The following KCNMA1 variants were observed in gnomAD, a reference collection of about 807,000 sequenced individuals.
KCNMA1 encodes potassium calcium-activated channel subfamily M alpha 1.
Under a neutral mutation model 140.0 loss-of-function variants are expected in KCNMA1, and 29 were observed. That is an observed-to-expected ratio of 0.21 (90% CI 0.15 to 0.28). The LOEUF (loss-of-function observed/expected upper bound fraction) is 0.28. Among genes scored for constraint, KCNMA1 ranks in the 10% least tolerant of loss-of-function variants. The pLI is 1.00. For synonymous variants in KCNMA1, 612 were observed against 611.9 expected, an observed-to-expected ratio of 1.00 and a Z score of 0.00; for missense variants, 880 against 1,602.2, an observed-to-expected ratio of 0.55 and a Z score of 7.70.
intron 6 of KCNMA1, 88 bp downstream of exon 6, chr10:77,120,885 T>A (rs1372243308): frequency 1.3e-6 from 1 of 763,084 alleles, no homozygotes; most frequent in Non-Finnish European, 2.4e-6. Flanking sequence ...CTATTAATAA[T>A]GTCATTGTGA....
At chr10:77,382,310 T>C (rs1009162077) in intron 2 of KCNMA1, among the ~76,000 whole-genome samples, 1 of 152,234 alleles carries the variant, frequency 6.6e-6, no homozygotes. Flanking sequence ...AGACACATTC[T>C]AAGCACTTTA....
chr10:76,940,281 G>A (rs564834264), intron 23 of KCNMA1, among the ~76,000 whole-genome samples: 1 of 152,180 alleles, frequency 6.6e-6, no homozygotes, highest in South Asian at 2.1e-4. Context: ...GGTCAGTTCT[G>A]ACACCATGTG....
At chr10:76,887,560 T>A in intron 27 of KCNMA1, 45 bp from the exon 28 acceptor site, 1 of 1,611,174 alleles carries the variant, frequency 6.2e-7, no homozygotes, top group Non-Finnish European at 8.5e-7. Context: ...AGTAACTGAG[T>A]AAAGAATTCA....
intron 2 of KCNMA1, among the ~76,000 whole-genome samples, chr10:77,348,145 A>G (rs903389364): frequency 2.6e-5 from 4 of 152,178 alleles, no homozygotes; most frequent in African/African-American, 9.6e-5. Context: ...CCCCTTTACT[A>G]CAGGACATCT....
chr10:77,491,254 G>C (rs2039724923), intron 1 of KCNMA1, among the ~76,000 whole-genome samples: 1 of 152,116 alleles, frequency 6.6e-6, no homozygotes, highest in Non-Finnish European at 1.5e-5. Context: ...CTGGTTGCCT[G>C]GTGGCCCAAA....
chr10:76,922,008 G>C (rs2055992199), intron 23 of KCNMA1, among the ~76,000 whole-genome samples: 1 of 152,178 alleles, frequency 6.6e-6, no homozygotes, highest in Non-Finnish European at 1.5e-5. Flanking sequence ...CAGGGTAGAG[G>C]TAGCCCCCAA....
intron 14 of KCNMA1, among the ~76,000 whole-genome samples, chr10:77,047,009 C>T (rs1039500914): frequency 6.6e-6 from 1 of 152,192 alleles, no homozygotes; most frequent in Admixed American, 6.5e-5. Context: ...TGGATGTGGA[C>T]TCAGTTCAGC....
intron 2 of KCNMA1, among the ~76,000 whole-genome samples, chr10:77,366,314 G>A (rs999941908): frequency 6.6e-6 from 1 of 152,010 alleles, no homozygotes; most frequent in Admixed American, 6.6e-5. Context: ...GATTACAGGT[G>A]CCTGCCACCA....
chr10:77,176,313 C>T (rs2098751096), intron 5 of KCNMA1, among the ~76,000 whole-genome samples: 1 of 152,188 alleles, frequency 6.6e-6, no homozygotes, highest in Admixed American at 6.5e-5. Flanking sequence ...AAAAAGAGGG[C>T]TACTAGGTGG....
intron 6 of KCNMA1, among the ~76,000 whole-genome samples, chr10:77,120,499 G>A (rs1219604482): frequency 6.6e-6 from 1 of 152,178 alleles, no homozygotes; most frequent in East Asian, 1.9e-4. Context: ...TTTTCTGTTT[G>A]CCGTATGAGG....
chr10:77,215,367 CTGTTTTGTTT>C (rs71028261), intron 3 of KCNMA1, among the ~76,000 whole-genome samples: 1 of 147,486 alleles, frequency 6.8e-6, no homozygotes, highest in African/African-American at 2.5e-5. Flanking sequence ...CAGATTGCAC[CTGTTTTGTTT>C]TGTTTTGTTT....
intron 19 of KCNMA1, among the ~76,000 whole-genome samples, chr10:76,989,823 C>G (rs1282850384): frequency 1.4e-5 from 2 of 144,512 alleles, no homozygotes; most frequent in African/African-American, 5.1e-5. Flanking sequence ...AAAAAAAAAG[C>G]ACTAGTTATG....
chr10:77,438,266 C>G (rs2097304907), intron 1 of KCNMA1, among the ~76,000 whole-genome samples: 1 of 152,020 alleles, frequency 6.6e-6, no homozygotes, highest in African/African-American at 2.4e-5. Flanking sequence ...CTGTTGGCAT[C>G]CAGTTTCTAA....
chr10:77,297,512 G>C (rs2075492798), intron 2 of KCNMA1, among the ~76,000 whole-genome samples: 1 of 152,142 alleles, frequency 6.6e-6, no homozygotes, highest in Non-Finnish European at 1.5e-5. Context: ...GGTCCATGGT[G>C]CTGCTTTGAT....
At chr10:77,233,964 A>G (rs984994317) in intron 3 of KCNMA1, among the ~76,000 whole-genome samples, 1 of 152,256 alleles carries the variant, frequency 6.6e-6, no homozygotes, top group Non-Finnish European at 1.5e-5. Flanking sequence ...AAATTAGAAC[A>G]GTATTAATGA....
At chr10:77,007,334 T>C (rs1000201247) in intron 18 of KCNMA1, among the ~76,000 whole-genome samples, 2 of 152,158 alleles carry the variant, frequency 1.3e-5, no homozygotes, top group African/African-American at 4.8e-5. Context: ...CTGACTAACA[T>C]TCATAAAGCA....
intron 1 of KCNMA1, among the ~76,000 whole-genome samples, chr10:77,440,085 G>T (rs1234488117): frequency 1.3e-5 from 2 of 152,140 alleles, no homozygotes; most frequent in Non-Finnish European, 2.9e-5. Flanking sequence ...CTTGCTATGT[G>T]ACCTTAAGAA....
chr10:77,349,975 C>T (rs904516501), intron 2 of KCNMA1, among the ~76,000 whole-genome samples: 5 of 152,076 alleles, frequency 3.3e-5, no homozygotes, highest in East Asian at 1.9e-4. Context: ...CTTGGCTCAC[C>T]GCAACCTCTG....
chr10:77,118,374 C>T (rs2097528635), intron 6 of KCNMA1, among the ~76,000 whole-genome samples: 1 of 152,232 alleles, frequency 6.6e-6, no homozygotes, highest in South Asian at 2.1e-4. Context: ...AGGCTGGCAC[C>T]TGGAGAGAGA....
Sources: allele counts gnomAD v4.1 joint callset (sites outside exome capture counted in the v4.1 genomes callset), GRCh38; gene constraint gnomAD v4.1.1; transcripts MANE v1.5; gene names NCBI Gene and HGNC (gene_info 2026-07-23, HGNC 2026-07-21).